Variants in MCTP2 observed in about 807,000 individuals in gnomAD.
The protein encoded by MCTP2 is multiple C2 and transmembrane domain-containing protein 2.
A neutral mutation model predicts 111.6 loss-of-function variants in MCTP2; 132 were observed. The observed-to-expected ratio is 1.18, with a 90% CI of 1.03 to 1.37. The LOEUF is 1.37. Among genes scored for constraint, MCTP2 ranks in the 40% most tolerant of loss-of-function variants. The probability of loss-of-function intolerance (pLI) is 0.00; values close to 1 mark genes in which losing one functional copy is unlikely to be tolerated. For missense variants in MCTP2, 1,183 were observed against 1,067.9 expected (o/e 1.11, Z -1.50); for synonymous variants, 395 against 387.7 (o/e 1.02, Z -0.22).
intron 15 of MCTP2, among the ~76,000 whole-genome samples, chr15:94,399,277 A>G (rs1164342593): frequency 6.6e-6 from 1 of 152,210 alleles, no homozygotes; most frequent in African/African-American, 2.4e-5. Flanking sequence ...GTATACTGGT[A>G]AAACCTGAGT....
chr15:94,450,395 A>G (rs957041686), intron 19 of MCTP2, among the ~76,000 whole-genome samples: 10 of 152,232 alleles, frequency 6.6e-5, no homozygotes, highest in Non-Finnish European at 1.3e-4. Flanking sequence ...CATGCCCACA[A>G]AATGCCTCAT....
chr15:94,349,799 A>G (rs1314267923), intron 8 of MCTP2, among the ~76,000 whole-genome samples: 7 of 148,596 alleles, frequency 4.7e-5, no homozygotes, highest in Non-Finnish European at 7.4e-5. Flanking sequence ...CAGCCTGGGC[A>G]ACACAGCGGG....
chr15:94,401,938 T>C lies in MCTP2; in HGVS notation c.2004T>C (p.Thr668=), dbSNP rs957167749. ...SRDVDRVKRI[T]MAIWNTMQFL... is the part of the protein sequence containing the mutation. Reference sequence around the variant, plus strand: ...ATGTGGACCGTGTGAAAAGAATCACTATGGCAATATGGAATACAATGCAGT... The same window carrying C: ...ATGTGGACCGTGTGAAAAGAATCACCATGGCAATATGGAATACAATGCAGT... The change falls in exon 17 of 23, where the codon ACT becomes ACC. Residue 668 remains threonine, a synonymous_variant. Transcript: ENST00000357742. The C allele has an allele frequency of 1.2e-6, 2 of 1,612,720 alleles. No individual in the cohort carries two copies. Among genetic ancestry groups the C allele is most frequent in the Non-Finnish European group, 1.7e-6 (2 of 1,178,862 alleles).
In MCTP2 at chr15:94,470,354, CTTCCT is replaced by C. The variant is rs760628997; in HGVS notation, c.2386_2390del (p.Leu796IlefsTer30). The C allele has an allele frequency of 2.5e-5, 36 of 1,459,464 alleles. No homozygotes were observed. The highest frequency in any genetic ancestry group is 6.8e-5 in the South Asian group (6 of 88,010). The allele number at this position is 1,459,464 out of a possible 1,614,324, so 90.4% of individuals were successfully genotyped here. ...ACAGCACATTTAACTGGACGGTCCC[CTTCCT>C]TTCATCTCTGGCCTGTTTGATTCTG... On this transcript the variant is annotated frameshift_variant, in exon 21 of 23. Coordinates refer to ENST00000357742, the MANE Select transcript of MCTP2 (RefSeq NM_001385001.1). LOFTEE classifies it high-confidence loss of function.
intron 1 of MCTP2, chr15:94,292,720 T>G (rs2075088866): frequency 6.6e-6 from 1 of 152,280 alleles, no homozygotes; most frequent in South Asian, 2.1e-4. Flanking sequence ...ACAATACCAA[T>G]CAAAATGTTG....
At chr15:94,242,027 G>C (rs78562579) in intron 1 of MCTP2, among the ~76,000 whole-genome samples, 2 of 152,128 alleles carry the variant, frequency 1.3e-5, no homozygotes, top group Non-Finnish European at 2.9e-5. Flanking sequence ...GAGAGAAAAG[G>C]TTCCAAATTA....
intron 20 of MCTP2, among the ~76,000 whole-genome samples, chr15:94,460,206 A>G (rs1356923987): frequency 6.6e-6 from 1 of 152,230 alleles, no homozygotes; most frequent in African/African-American, 2.4e-5. Flanking sequence ...GAAGAGATGT[A>G]GGAGAAAGAC....
chr15:94,351,727 T>A (rs543470584), intron 8 of MCTP2, among the ~76,000 whole-genome samples: 1 of 152,324 alleles, frequency 6.6e-6, no homozygotes, highest in South Asian at 2.1e-4. Context: ...GTTGGCTGAT[T>A]GGTATTGTGT....
chr15:94,382,541 G>A (rs536490112), intron 12 of MCTP2, among the ~76,000 whole-genome samples: 1 of 152,366 alleles, frequency 6.6e-6, no homozygotes. Flanking sequence ...TCGCCCATGC[G>A]TCTGCTCTTC....
Position 94,479,992 on chromosome 15 carries a change from C to T in MCTP2, c.*958C>T, listed in dbSNP as rs1163007316. 1 of 151,864 alleles carries T rather than the reference C, an allele frequency of 6.6e-6. No homozygotes were observed. The highest frequency in any genetic ancestry group is 6.6e-5 in the Admixed American group (1 of 15,258). 9.4% of individuals were successfully genotyped at this position (151,864 alleles called of 1,614,324 possible). A position where few individuals can be genotyped will look rare whatever the true frequency, so the allele number is the denominator to read the frequency against. On this transcript the variant is annotated 3_prime_UTR_variant, in exon 23 of 23. Transcript: ENST00000357742. ...CAGGAAGTAGAAATACTTTGGCTGC[C>T]CAAATGTATCTTTTGTTCCTCTTAG...
chr15:94,315,474 T>A (rs1271048802), intron 3 of MCTP2, 55 bp from the exon 4 acceptor site: 19 of 1,301,934 alleles, frequency 1.5e-5, no homozygotes, highest in Non-Finnish European at 1.8e-5. Flanking sequence ...ATTTCTGAAA[T>A]TCTCTTGCTT....
intron 1 of MCTP2, among the ~76,000 whole-genome samples, chr15:94,271,027 TA>T (rs2073880074): frequency 1.3e-5 from 2 of 152,236 alleles, no homozygotes; most frequent in South Asian, 4.1e-4. Flanking sequence ...AAAGAAGTTG[TA>T]ATTGACTGGT....
At position 94,402,556 on chromosome 15, in the gene MCTP2, G is replaced by A. The variant is rs750404215; in HGVS notation, c.2085+537G>A. On this transcript the variant is annotated intron_variant, in intron 17 of 22. Transcript: ENST00000357742. ...TCTGGTGACATTGGCCCATCCTTAT[G>A]AGCATAATAAAATCGCAGAATCAAA... 2.6e-6 allele frequency: 4 copies of A among 1,551,544 alleles called. No individual in the cohort carries two copies. The African/African-American group carries it at 4.1e-5, about 16-fold the overall frequency.
chr15:94,273,777 T>A (rs2074038941), intron 1 of MCTP2: 1 of 193,630 alleles, frequency 5.2e-6, no homozygotes, highest in Non-Finnish European at 1.2e-5. Context: ...CACACTTCCT[T>A]GTGTCCCTTA....
intron 22 of MCTP2, 58 bp from the exon 23 acceptor site, chr15:94,478,908 A>G: frequency 6.6e-7 from 1 of 1,507,244 alleles, no homozygotes. Flanking sequence ...CCATTAGCAC[A>G]CACTGTGGCG....
intron 18 of MCTP2, among the ~76,000 whole-genome samples, chr15:94,441,735 G>A (rs2083793541): frequency 6.6e-6 from 1 of 152,176 alleles, no homozygotes; most frequent in African/African-American, 2.4e-5. Flanking sequence ...TTTGCCTAAA[G>A]TCACAAAGCA....
At chr15:94,422,570 A>G (rs925540105) in intron 17 of MCTP2, among the ~76,000 whole-genome samples, 16 of 152,138 alleles carry the variant, frequency 1.1e-4, no homozygotes, top group African/African-American at 3.9e-4. Flanking sequence ...TTCCATAATT[A>G]AGGGTACCAT....
intron 17 of MCTP2, among the ~76,000 whole-genome samples, chr15:94,431,512 G>C (rs1327650062): frequency 3.3e-5 from 5 of 152,160 alleles, no homozygotes; most frequent in African/African-American, 9.7e-5. Context: ...CGATGCTGTT[G>C]ATAAAACCTA....
At chr15:94,450,848 G>C (rs957804718) in intron 19 of MCTP2, among the ~76,000 whole-genome samples, 2 of 152,292 alleles carry the variant, frequency 1.3e-5, no homozygotes, top group African/African-American at 4.8e-5. Flanking sequence ...GGAATTAATA[G>C]AGAAATGAGA....
Sources: gnomAD v4.1 joint callset for allele counts (sites outside exome capture counted in the v4.1 genomes callset) on GRCh38, gnomAD v4.1.1 for gene constraint, MANE v1.5 for transcripts, NCBI Gene and HGNC (gene_info 2026-07-23, HGNC 2026-07-21) for gene names.